The following CCDC88A variants were observed in gnomAD, a reference collection of about 807,000 sequenced individuals.
The protein encoded by CCDC88A is coiled-coil and HOOK domain protein 88A.
A neutral mutation model predicts 234.3 loss-of-function variants in CCDC88A; 54 were observed. That is an observed-to-expected ratio of 0.23 (90% CI 0.19 to 0.29). The LOEUF (loss-of-function observed/expected upper bound fraction) is 0.29. Among genes scored for constraint, CCDC88A ranks in the 10% least tolerant of loss-of-function variants. The probability of loss-of-function intolerance (pLI) is 1.00; values close to 1 mark genes in which losing one functional copy is unlikely to be tolerated. For missense variants in CCDC88A, 1,832 were observed against 2,123.4 expected (o/e 0.86, Z 2.70); for synonymous variants, 753 against 737.8 (o/e 1.02, Z -0.33).
At chr2:55,408,319 T>A (rs961137559) in intron 2 of CCDC88A, among the ~76,000 whole-genome samples, 4 of 152,042 alleles carry the variant, frequency 2.6e-5, no homozygotes, top group African/African-American at 7.3e-5. Flanking sequence ...TCAGAGGCGT[T>A]TGAACCAGAG....
intron 5 of CCDC88A, among the ~76,000 whole-genome samples, chr2:55,365,434 A>G (rs1671817718): frequency 6.6e-6 from 1 of 152,218 alleles, no homozygotes; most frequent in Admixed American, 6.5e-5. Flanking sequence ...AAACAGCATA[A>G]TTATTATCAA....
rs774988742 is a variant in CCDC88A at position 55,343,714 on chromosome 2, T to C, written c.1267A>G (p.Met423Val). Residue 423 changes from methionine (M) to valine (V), a missense_variant, in exon 12 of 33, where the codon ATG (methionine) becomes GTG (valine). Physicochemically the swap from Met to Val is conservative, Grantham distance 21. Coordinates refer to ENST00000436346, the MANE Select transcript of CCDC88A (RefSeq NM_001365480.1). ...CAGCCAAGATGTAATGATTCATCCA[T>C]ACTTTGTTTCTGTGCCATTTCCAAA... ...MTLEMAQKQS[M>V]DESLHLGWEL... is the part of the protein sequence containing the mutation. 1.9e-6 allele frequency: 3 copies of C among 1,612,172 alleles called. No homozygotes were observed. The highest frequency in any genetic ancestry group is 1.1e-5 in the South Asian group (1 of 90,854).
rs982559842 is a variant in CCDC88A, at chr2:55,289,468, A to C, written c.*1732T>G. On this transcript the variant is annotated 3_prime_UTR_variant, in exon 33 of 33. Transcript: ENST00000436346. ...GAGTTATGAGAGAGAGAGATGTTTCAAAGTCTACGGAAAAGGTTTTAGATA... is the reference window on the plus strand; with the variant it reads ...GAGTTATGAGAGAGAGAGATGTTTCCAAGTCTACGGAAAAGGTTTTAGATA... 2.0e-5 allele frequency: 3 copies of C among 152,364 alleles called. No individual in the cohort carries two copies. Among genetic ancestry groups the C allele is most frequent in the African/African-American group, 7.2e-5 (3 of 41,440 alleles). The allele number at this position is 152,364 out of a possible 1,614,324, so 9.4% of individuals were successfully genotyped here.
intron 22 of CCDC88A, chr2:55,314,405 T>G (rs1682718722): frequency 6.6e-6 from 1 of 152,050 alleles, no homozygotes; most frequent in South Asian, 2.1e-4. Context: ...AAGAGAACAA[T>G]TTTTTTTGTT....
chr2:55,351,912 C>A (rs144559834), intron 8 of CCDC88A, among the ~76,000 whole-genome samples: 1 of 152,106 alleles, frequency 6.6e-6, no homozygotes, highest in Non-Finnish European at 1.5e-5. Context: ...AGTATTGATA[C>A]ATGCTACAAC....
intron 7 of CCDC88A, among the ~76,000 whole-genome samples, chr2:55,357,385 CCTCCTCTCT>C (rs928602803): frequency 6.7e-6 from 1 of 149,916 alleles, no homozygotes; most frequent in Non-Finnish European, 1.5e-5. Context: ...TCCCTCTCTC[CCTCCTCTCT>C]CTCCTCTCTC....
chr2:55,415,900 C>T (rs1273024519), intron 2 of CCDC88A, among the ~76,000 whole-genome samples: 1 of 152,002 alleles, frequency 6.6e-6, no homozygotes, highest in Admixed American at 6.6e-5. Flanking sequence ...TAACTTAATG[C>T]ATCCCAGAAC....
intron 4 of CCDC88A, among the ~76,000 whole-genome samples, chr2:55,374,394 CAT>C (rs1467985602): frequency 1.3e-5 from 2 of 151,888 alleles, no homozygotes; most frequent in East Asian, 3.9e-4. Flanking sequence ...ATAAATAAAA[CAT>C]ATCAATCAGT....
Position 55,295,822 on chromosome 2 carries a change from C to T in CCDC88A, c.5326G>A (p.Gly1776Ser). 6.2e-7 allele frequency: 1 copy of T among 1,614,002 alleles called. No individual in the cohort carries two copies. Among genetic ancestry groups the T allele is most frequent in the Non-Finnish European group, 8.5e-7 (1 of 1,180,000 alleles). Reference protein sequence around the residue: ...FISSAGKPTPGTQGKIKLVKE... With the variant: ...FISSAGKPTPSTQGKIKLVKE... ...ACTAATTTTATTTTTCCTTGAGTGC[C>T]TGGTGTAGGTTTTCCCGCAGAACTA... The change falls in exon 31 of 33, where the codon GGC (glycine) becomes AGC (serine). Residue 1776 changes from glycine to serine, a missense_variant. By Grantham distance (56) the Gly-to-Ser change is moderately conservative (BLOSUM62 0). Transcript: ENST00000436346.
At chr2:55,333,858 G>C (rs545466396) in intron 15 of CCDC88A, among the ~76,000 whole-genome samples, 2 of 152,028 alleles carry the variant, frequency 1.3e-5, no homozygotes, top group South Asian at 4.1e-4. Context: ...AATGTAATAA[G>C]TCAGATACCA....
rs770697896 is a variant in CCDC88A at position 55,295,036 on chromosome 2, A to T, written c.5551+561T>A. On this transcript the variant is annotated intron_variant, in intron 31 of 32. Transcript: ENST00000436346. ...AGAGAAGCAGTGTATATCAAATAAC[A>T]TCAATATATTATATTGTGCAGTTTT... The T allele has an allele frequency of 2.4e-6, 3 of 1,234,078 alleles. No individual in the cohort carries two copies. The African/African-American group carries it at 4.8e-5, about 20-fold the overall frequency. The allele number at this position is 1,234,078 out of a possible 1,614,324, so 76.4% of individuals were successfully genotyped here. A position where few individuals can be genotyped will look rare whatever the true frequency, so the allele number is the denominator to read the frequency against.
At chr2:55,315,420 C>CT (rs1403912092) in intron 22 of CCDC88A, 2 of 152,202 alleles carry the variant, frequency 1.3e-5, no homozygotes, top group African/African-American at 4.8e-5. Context: ...GCTATATGCC[C>CT]TTGTTGGGTT....
At chr2:55,326,201 G>T (rs1684243449) in intron 17 of CCDC88A, among the ~76,000 whole-genome samples, 1 of 150,796 alleles carries the variant, frequency 6.6e-6, no homozygotes, top group South Asian at 2.1e-4. Context: ...ATTTTTTTAA[G>T]AGACAGGATC....
chr2:55,371,534 G>C (rs1034498233), intron 5 of CCDC88A, among the ~76,000 whole-genome samples: 9 of 152,158 alleles, frequency 5.9e-5, no homozygotes, highest in Non-Finnish European at 8.8e-5. Flanking sequence ...TGAAGTCAGA[G>C]CAGAGTTGAC....
At chr2:55,319,954 AAATAT>A (rs1683419578) in intron 18 of CCDC88A, among the ~76,000 whole-genome samples, 1 of 152,170 alleles carries the variant, frequency 6.6e-6, no homozygotes, top group African/African-American at 2.4e-5. Context: ...ATCTATATGT[AAATAT>A]AACATTAATT....
At chr2:55,412,539 C>T (rs754937426) in intron 2 of CCDC88A, among the ~76,000 whole-genome samples, 1 of 152,026 alleles carries the variant, frequency 6.6e-6, no homozygotes. Context: ...ACTGTAGATG[C>T]GAGGGATCTA....
intron 2 of CCDC88A, among the ~76,000 whole-genome samples, chr2:55,416,443 A>AATATATATAT (rs60840841): frequency 6.3e-4 from 10 of 15,804 alleles, no homozygotes; most frequent in East Asian, 1.3e-3. Context: ...TAAATAAATA[A>AATATATATAT]ATATATATAT....
At chr2:55,370,164 T>C (rs912823086) in intron 5 of CCDC88A, among the ~76,000 whole-genome samples, 1 of 152,152 alleles carries the variant, frequency 6.6e-6, no homozygotes, top group Non-Finnish European at 1.5e-5. Context: ...ACATAAAATA[T>C]ATATAAAGAT....
rs1683133102 is a variant in CCDC88A, at chr2:55,317,504, T to C, written c.3602+60A>G. The C allele has an allele frequency of 7.0e-6, 9 of 1,289,054 alleles. No individual in the cohort carries two copies. The South Asian group carries it at 1.7e-4, about 24-fold the overall frequency. 79.9% of individuals were successfully genotyped at this position (1,289,054 alleles called of 1,614,324 possible). ...AGATGTGTTTAATATATAAAATTTA[T>C]TATACTACTTGAAGAAAATTCATTT... On this transcript the variant is annotated intron_variant, in intron 20 of 32. Coordinates refer to ENST00000436346, the MANE Select transcript of CCDC88A (RefSeq NM_001365480.1). The surrounding 1 kb of genome is among the most constrained non-coding windows in gnomAD (Gnocchi z 4.2).
Sources: gnomAD v4.1 joint callset for allele counts (sites outside exome capture counted in the v4.1 genomes callset) on GRCh38, gnomAD v4.1.1 for gene constraint, Gnocchi (gnomAD v3.1) non-coding constraint, MANE v1.5 for transcripts, NCBI Gene and HGNC (gene_info 2026-07-23, HGNC 2026-07-21) for gene names.